The following ATRX variants were observed in gnomAD, a reference collection of about 807,000 sequenced individuals.
ATRX encodes chromatin remodeler ATRX.
In ATRX, 12 loss-of-function variants were observed where a neutral mutation model predicts 172.6. That is an observed-to-expected ratio of 0.07 (90% confidence interval 0.04 to 0.11). ATRX has a LOEUF of 0.11. Among genes scored for constraint, ATRX ranks in the 10% least tolerant of loss-of-function variants. The pLI is 1.00. For missense variants in ATRX, 1,368 were observed against 1,767.4 expected, an observed-to-expected ratio of 0.77 and a Z score of 4.05; for synonymous variants, 674 against 594.7, an observed-to-expected ratio of 1.13 and a Z score of -1.94.
At chrX:77,558,898 A>G in intron 28 of ATRX, 52 bp from the exon 29 acceptor site, 3 of 1,001,184 alleles carry the variant, frequency 3.0e-6, no homozygotes, top group Non-Finnish European at 4.2e-6. Context: ...CTTTACAAAT[A>G]TTTTAATTAC....
chrX:77,696,225 T>C (rs1238898053), intron 5 of ATRX, among the ~76,000 whole-genome samples: 1 of 112,093 alleles, frequency 8.9e-6, no homozygotes, highest in Non-Finnish European at 1.9e-5. Context: ...GTCATTACAT[T>C]TTTGTATAAA....
chrX:77,615,473 C>T (rs1248219976), intron 22 of ATRX, among the ~76,000 whole-genome samples: 1 of 111,738 alleles, frequency 8.9e-6, no homozygotes, highest in Non-Finnish European at 1.9e-5. Flanking sequence ...TTAAACTATA[C>T]AGCAACTCTC....
At chrX:77,582,927 A>G (rs373986844) in intron 27 of ATRX, among the ~76,000 whole-genome samples, 2 of 112,008 alleles carry the variant, frequency 1.8e-5, no homozygotes, top group Non-Finnish European at 3.8e-5. Context: ...TAAATAAGAA[A>G]TAAGACAAAT....
intron 30 of ATRX, among the ~76,000 whole-genome samples, chrX:77,556,836 T>C (rs1557059326): frequency 8.9e-6 from 1 of 111,992 alleles, no homozygotes; most frequent in Non-Finnish European, 1.9e-5. Context: ...TGATTAAGAG[T>C]AATGCTTTTG....
At chrX:77,566,535 T>C (rs1228403030) in intron 28 of ATRX, among the ~76,000 whole-genome samples, 5 of 112,074 alleles carry the variant, frequency 4.5e-5, no homozygotes, top group Non-Finnish European at 7.5e-5. Context: ...GGTGGATCAC[T>C]TGAGCTCAGG....
chrX:77,535,983 G>A (rs1452328652), intron 30 of ATRX, among the ~76,000 whole-genome samples: 3 of 107,294 alleles, frequency 2.8e-5, no homozygotes, highest in East Asian at 2.9e-4. Flanking sequence ...CAAGTGATCC[G>A]CCCACCTCAG....
At chrX:77,641,698 C>T (rs2068666984) in intron 15 of ATRX, among the ~76,000 whole-genome samples, 1 of 110,043 alleles carries the variant, frequency 9.1e-6, no homozygotes, top group Non-Finnish European at 1.9e-5. Flanking sequence ...TTATAGTACA[C>T]TGTAATTCAC....
chrX:77,671,173 T>A (rs1271269881), intron 10 of ATRX, among the ~76,000 whole-genome samples: 56 of 73,497 alleles, frequency 7.6e-4, no homozygotes, highest in African/African-American at 2.3e-3. Context: ...AAAAAATATA[T>A]ATATATATAT....
At chrX:77,750,351 A>G (rs2075252171) in intron 1 of ATRX, among the ~76,000 whole-genome samples, 1 of 111,531 alleles carries the variant, frequency 9.0e-6, no homozygotes, top group Admixed American at 9.6e-5. Flanking sequence ...TATTACACAA[A>G]CGATGAAATC....
rs781962713 is a variant in ATRX at position 77,539,004 on chromosome X, A to G, written c.6700-15603T>C. On this transcript the variant is annotated intron_variant, in intron 30 of 34. Transcript: ENST00000373344. ...CCGTCTCCTGGGTTCAAGCAATTCT[A>G]CTGCCTCAGCCTCCCGAGTAGCTGG... 4.7e-5 allele frequency among the ~76,000 whole-genome samples: 5 copies of G among 107,028 alleles called. No individual in the cohort carries two copies. In the South Asian group the frequency reaches 2.1e-3, roughly 45 times the overall value. 92.9% of individuals were successfully genotyped at this position (107,028 alleles called of 115,157 possible).
At chrX:77,605,301 G>T (rs1032577865) in intron 22 of ATRX, among the ~76,000 whole-genome samples, 10 of 110,756 alleles carry the variant, frequency 9.0e-5, no homozygotes, top group Admixed American at 8.6e-4. Context: ...GGTGGTGGGC[G>T]CCTGTAATCC....
intron 28 of ATRX, among the ~76,000 whole-genome samples, chrX:77,561,317 A>G (rs1431588624): frequency 9.0e-6 from 1 of 111,017 alleles, no homozygotes; most frequent in Non-Finnish European, 1.9e-5. Context: ...ACACACATAC[A>G]TACATACATA....
intron 1 of ATRX, among the ~76,000 whole-genome samples, chrX:77,718,213 C>CT (rs1204215095): frequency 1.8e-5 from 2 of 109,464 alleles, no homozygotes; most frequent in African/African-American, 3.3e-5. Flanking sequence ...TCTGAAAGCC[C>CT]TAAGCAGTGT....
intron 30 of ATRX, among the ~76,000 whole-genome samples, chrX:77,549,295 G>C: frequency 9.0e-6 from 1 of 111,727 alleles, no homozygotes; most frequent in South Asian, 3.8e-4. Flanking sequence ...TGAGGCACGA[G>C]AATCACTTGA....
At position 77,682,426 on chromosome X, in the gene ATRX, C is replaced by G. The variant is rs1557138771; in HGVS notation, c.2830G>C (p.Glu944Gln). 1 of 1,211,307 alleles carries G rather than the reference C, an allele frequency of 8.3e-7. No homozygotes were observed. The highest frequency in any genetic ancestry group is 2.2e-5 in the Admixed American group (1 of 45,963). The change falls in exon 9 of 35, where the codon GAA becomes CAA. Residue 944 changes from glutamate (E) to glutamine (Q), a missense_variant. Around this residue, in one of 17 missense-constraint regions of ATRX, gnomAD observed 843 missense variants for 643.1 expected, o/e 1.31. Coordinates refer to ENST00000373344, the MANE Select transcript of ATRX (RefSeq NM_000489.6). ...LEVRKVAETK[E>Q]KSKHLKTKTC... The stretch of plus-strand genomic sequence containing the variant: ...TTGGTTTTGAGATGCTTGCTCTTTT[C>G]TTTAGTTTCAGCAACTTTTCTAACT...
At chrX:77,706,567 A>T in intron 2 of ATRX, among the ~76,000 whole-genome samples, 1 of 111,350 alleles carries the variant, frequency 9.0e-6, no homozygotes, top group Non-Finnish European at 1.9e-5. Context: ...AAGGAAAAAC[A>T]GATAAATAAA....
At chrX:77,636,243 G>C (rs1005205100) in intron 15 of ATRX, among the ~76,000 whole-genome samples, 187 bp from the exon 16 acceptor site, 1 of 111,908 alleles carries the variant, frequency 8.9e-6, no homozygotes, top group Non-Finnish European at 1.9e-5. Flanking sequence ...TTGGAGGTGG[G>C]GCCTGGTGGG....
intron 31 of ATRX, 46 bp from the exon 32 acceptor site, chrX:77,522,434 T>C: frequency 8.5e-7 from 1 of 1,179,146 alleles, no homozygotes; most frequent in South Asian, 1.8e-5. Flanking sequence ...GATTTAAAAC[T>C]TGAAATTCTA....
intron 1 of ATRX, among the ~76,000 whole-genome samples, chrX:77,737,435 AGGG>A (rs1210379916): frequency 2.6e-5 from 1 of 39,175 alleles, no homozygotes; most frequent in Non-Finnish European, 3.9e-5. Flanking sequence ...AAAAAAAAAA[AGGG>A]GGGGGGGGGC....
Sources: gnomAD v4.1 joint callset for allele counts (sites outside exome capture counted in the v4.1 genomes callset) on GRCh38, gnomAD v4.1.1 for gene constraint, gnomAD v4.1.1 regional missense constraint, MANE v1.5 for transcripts, NCBI Gene and HGNC (gene_info 2026-07-23, HGNC 2026-07-21) for gene names.